The following NBAS variants were observed in gnomAD, a reference collection of about 807,000 sequenced individuals.
NBAS encodes NBAS subunit of NRZ tethering complex.
In NBAS, 219 loss-of-function variants were observed where a neutral mutation model predicts 302.5. The ratio of observed to expected loss-of-function variants is 0.72; its 90% CI spans 0.65 to 0.81. The LOEUF (loss-of-function observed/expected upper bound fraction) is 0.81. Ranked by LOEUF, NBAS falls within the 30% of genes least tolerant of loss-of-function variation. NBAS has a pLI of 0.00. For synonymous variants in NBAS, 1,118 were observed against 1,021.6 expected (o/e 1.09, Z -1.80); for missense variants, 2,932 against 2,841.6 (o/e 1.03, Z -0.72).
At chr2:15,131,266 G>A in the NBAS span, among the ~76,000 whole-genome samples, 1 of 152,166 alleles carries the variant, frequency 6.6e-6, no homozygotes, top group Non-Finnish European at 1.5e-5. Flanking sequence ...CTGATATCAA[G>A]CTGAAATCTA....
chr2:15,417,496 T>C lies in NBAS; in HGVS notation c.2763+31A>G. ...AAAGTGCATAGAAAATGCTTTAAAA[T>C]ATTTAAAAAGGAAGTTAAAATAAAA... On this transcript the variant is annotated intron_variant, in intron 24 of 51. Transcript: ENST00000281513. The C allele has an allele frequency of 2.5e-6, 4 of 1,576,496 alleles. No homozygotes were observed. In the Admixed American group the frequency reaches 6.7e-5, roughly 26 times the overall value.
chr2:15,171,226 C>G (rs34085007), intron 51 of NBAS, among the ~76,000 whole-genome samples: 1 of 152,144 alleles, frequency 6.6e-6, no homozygotes, highest in African/African-American at 2.4e-5. Context: ...GCTGATTCCT[C>G]CTTCCTCCAT....
chr2:15,455,467 T>C (rs981860039), intron 21 of NBAS, among the ~76,000 whole-genome samples: 4 of 152,144 alleles, frequency 2.6e-5, no homozygotes, highest in Non-Finnish European at 5.9e-5. Flanking sequence ...TTATCTGTAT[T>C]ACCTTTGCAA....
At position 15,364,360 on chromosome 2, in the gene NBAS, C is replaced by T. The variant is rs544810254; in HGVS notation, c.3817+2220G>A. Among the ~76,000 whole-genome samples the T allele has an allele frequency of 1.2e-4, 19 of 152,172 alleles. No homozygotes were observed. In the East Asian group the frequency reaches 3.3e-3, roughly 26 times the overall value. On this transcript the variant is annotated intron_variant, in intron 32 of 51. Coordinates refer to ENST00000281513, the MANE Select transcript of NBAS (RefSeq NM_015909.4). ...CAGCCTGACCAGCATGGGGAAACCC[C>T]GTTTCTACTAAAAATACAAAATTAG...
At chr2:15,215,910 T>C (rs1666630631) in intron 48 of NBAS, among the ~76,000 whole-genome samples, 1 of 152,206 alleles carries the variant, frequency 6.6e-6, no homozygotes, top group African/African-American at 2.4e-5. Flanking sequence ...AAGACAATTT[T>C]TGAAAAACAA....
At chr2:14,907,624 T>G in the NBAS span, 18 of 152,266 alleles carry the variant, frequency 1.2e-4, no homozygotes, top group East Asian at 3.8e-4. Flanking sequence ...TCTGGCAACT[T>G]CTTCCCGAGT....
intron 25 of NBAS, among the ~76,000 whole-genome samples, chr2:15,406,902 A>G (rs1558311043): frequency 6.6e-6 from 1 of 152,216 alleles, no homozygotes; most frequent in African/African-American, 2.4e-5. Flanking sequence ...TGTTGGCAAA[A>G]TTGTGGAGAA....
intron 44 of NBAS, among the ~76,000 whole-genome samples, chr2:15,266,651 T>G (rs1231707568): frequency 3.3e-5 from 5 of 152,198 alleles, no homozygotes; most frequent in African/African-American, 1.2e-4. Context: ...AGGGTAGAAT[T>G]TCTTGATTTC....
the NBAS span, among the ~76,000 whole-genome samples, chr2:14,823,186 C>T: frequency 2.5e-3 from 377 of 152,318 alleles, no homozygotes; most frequent in African/African-American, 8.2e-3. Flanking sequence ...CAGTTAAGAA[C>T]GGTTTGCAAT....
chr2:15,441,300 C>T (rs1243028445), intron 21 of NBAS, among the ~76,000 whole-genome samples: 7 of 152,204 alleles, frequency 4.6e-5, no homozygotes, highest in South Asian at 2.1e-4. Context: ...AGACTAACAG[C>T]GGATCTCTCG....
chr2:15,317,884 G>A (rs1327951304), intron 38 of NBAS, among the ~76,000 whole-genome samples: 1 of 152,114 alleles, frequency 6.6e-6, no homozygotes, highest in Non-Finnish European at 1.5e-5. Flanking sequence ...TTCAAATTCA[G>A]GAAATACAGA....
chr2:14,943,440 G>A, the NBAS span, among the ~76,000 whole-genome samples: 1 of 152,182 alleles, frequency 6.6e-6, no homozygotes, highest in African/African-American at 2.4e-5. Context: ...ATTGCCTTCT[G>A]ACTGTAATTC....
chr2:14,907,727 T>C, the NBAS span: 1 of 152,276 alleles, frequency 6.6e-6, no homozygotes, highest in Non-Finnish European at 1.5e-5. Context: ...TTATCATTTA[T>C]GTATCTTTAA....
chr2:15,317,477 C>A (rs1390819854), intron 38 of NBAS, among the ~76,000 whole-genome samples: 3 of 152,136 alleles, frequency 2.0e-5, no homozygotes, highest in Non-Finnish European at 4.4e-5. Flanking sequence ...TGTTCTAATG[C>A]ATTGCAAGGA....
downstream of NBAS, among the ~76,000 whole-genome samples, chr2:15,162,139 T>TTC (rs1663914000): frequency 6.6e-6 from 1 of 151,178 alleles, no homozygotes; most frequent in South Asian, 2.1e-4. Context: ...CCAGGCCAGC[T>TTC]CTCAAACCCA....
chr2:15,494,493 A>G (rs577129251), intron 11 of NBAS, among the ~76,000 whole-genome samples: 1 of 152,224 alleles, frequency 6.6e-6, no homozygotes, highest in Non-Finnish European at 1.5e-5. Flanking sequence ...ACACATCTTA[A>G]TCGTAAATTC....
rs924248884 is a variant in NBAS, at chr2:15,179,260, T to G, written c.6712-144A>C. On this transcript the variant is annotated intron_variant, in intron 50 of 51. Transcript: ENST00000281513. ...ACATATGGTACCGCACTGGATATAC[T>G]GAATATGGGCGTTGGTACCTGCTTC... 12 of 1,212,260 alleles carry G rather than the reference T, an allele frequency of 9.9e-6. No homozygotes were observed. In the African/African-American group the frequency reaches 1.7e-4, roughly 17 times the overall value. The allele number at this position is 1,212,260 out of a possible 1,614,324, so 75.1% of individuals were successfully genotyped here. A position where few individuals can be genotyped will look rare whatever the true frequency, so the allele number is the denominator to read the frequency against.
At chr2:14,940,630 T>C in the NBAS span, among the ~76,000 whole-genome samples, 2 of 152,190 alleles carry the variant, frequency 1.3e-5, no homozygotes, top group South Asian at 2.1e-4. Context: ...GGCTCTCACT[T>C]CTACCTAAAT....
intron 35 of NBAS, among the ~76,000 whole-genome samples, chr2:15,351,127 G>T (rs575484944): frequency 6.6e-6 from 1 of 152,116 alleles, no homozygotes; most frequent in East Asian, 1.9e-4. Flanking sequence ...TATGCACACC[G>T]AAATTGATTT....
Sources: allele counts gnomAD v4.1 joint callset (sites outside exome capture counted in the v4.1 genomes callset), GRCh38; gene constraint gnomAD v4.1.1; transcripts MANE v1.5; gene names NCBI Gene and HGNC (gene_info 2026-07-23, HGNC 2026-07-21).